BRAF: variants seen among roughly 807,000 people sequenced by gnomAD.
BRAF encodes the protein serine/threonine-protein kinase B-raf.
In BRAF, 16 loss-of-function variants were observed where a neutral mutation model predicts 104.6. The ratio of observed to expected loss-of-function variants is 0.15; its 90% CI spans 0.10 to 0.23. The LOEUF (loss-of-function observed/expected upper bound fraction) is 0.23, where lower values mean the gene tolerates loss of function less well. BRAF is among the 10% of genes least tolerant of loss of function. The pLI is 1.00. For synonymous variants in BRAF, 310 were observed against 341.6 expected (o/e 0.91, Z 1.02); for missense variants, 541 against 937.3 (o/e 0.58, Z 5.52).
chr7:140,908,989 CTT>C (rs1224922004), intron 1 of BRAF, among the ~76,000 whole-genome samples: 1,581 of 120,182 alleles, frequency 0.013, 35 homozygotes, highest in Middle Eastern at 0.042. Flanking sequence ...TCTACGTTTT[CTT>C]TTTTTTTTTT....
chr7:140,793,458 A>G (rs1010353543), intron 8 of BRAF, among the ~76,000 whole-genome samples: 3 of 152,134 alleles, frequency 2.0e-5, no homozygotes, highest in African/African-American at 7.2e-5. Flanking sequence ...GTGGGAAGAA[A>G]GTCTGATTTG....
chr7:140,880,219 A>C (rs1029344265), intron 1 of BRAF, among the ~76,000 whole-genome samples: 3 of 152,150 alleles, frequency 2.0e-5, no homozygotes, highest in Non-Finnish European at 2.9e-5. Flanking sequence ...TAAAATTCTA[A>C]ATCTTTTGCT....
chr7:140,810,975 C>T (rs1804197641), intron 3 of BRAF, among the ~76,000 whole-genome samples: 1 of 152,164 alleles, frequency 6.6e-6, no homozygotes, highest in Non-Finnish European at 1.5e-5. Context: ...AATCCCTAAG[C>T]ATAGTGCTCA....
intron 14 of BRAF, among the ~76,000 whole-genome samples, chr7:140,756,031 C>A (rs1465054217): frequency 6.6e-6 from 1 of 151,958 alleles, no homozygotes; most frequent in African/African-American, 2.4e-5. Context: ...ATCCTTTCAA[C>A]AAATTTGATG....
Position 140,847,589 on chromosome 7 carries a change from A to T in BRAF, c.240+2522T>A, listed in dbSNP as rs539434765. ...CAGCAAGATTCCATCTCAGGAGGAA[A>T]AAAAAAAAGACAGACAATTGCTATT... On this transcript the variant is annotated intron_variant, in intron 2 of 19. Coordinates refer to ENST00000644969, the MANE Select transcript of BRAF (RefSeq NM_001374258.1). Among the ~76,000 whole-genome samples, 15 of 152,190 alleles carry T rather than the reference A, an allele frequency of 9.9e-5. No individual in the cohort carries two copies. The East Asian group carries it at 2.9e-3, about 29-fold the overall frequency.
intron 1 of BRAF, among the ~76,000 whole-genome samples, chr7:140,853,129 C>A (rs899520185): frequency 6.6e-6 from 1 of 151,906 alleles, no homozygotes; most frequent in Non-Finnish European, 1.5e-5. Context: ...TAACTGCAGG[C>A]CATGCATGGT....
chr7:140,897,245 T>A (rs142285902), intron 1 of BRAF, among the ~76,000 whole-genome samples: 667 of 152,150 alleles, frequency 4.4e-3, no homozygotes, highest in South Asian at 7.5e-3. Context: ...ACAAACAGGT[T>A]AAGAAGTAGC....
At chr7:140,815,431 C>A (rs1804770008) in intron 3 of BRAF, among the ~76,000 whole-genome samples, 1 of 131,394 alleles carries the variant, frequency 7.6e-6, no homozygotes, top group South Asian at 2.3e-4. Flanking sequence ...AGGTGTGAGC[C>A]ATTTTTTTTT....
chr7:140,795,653 C>G (rs1802420837), intron 7 of BRAF, among the ~76,000 whole-genome samples: 1 of 152,100 alleles, frequency 6.6e-6, no homozygotes, highest in South Asian at 2.1e-4. Flanking sequence ...CTGAACCACA[C>G]CAGTTCACAA....
intron 3 of BRAF, among the ~76,000 whole-genome samples, chr7:140,814,675 T>C (rs905305684): frequency 6.8e-6 from 1 of 147,682 alleles, no homozygotes; most frequent in Non-Finnish European, 1.5e-5. Context: ...AAAAAATATA[T>C]ATATATAAAA....
At position 140,924,756 on chromosome 7, in the gene BRAF, A is replaced by G; in HGVS notation, c.-53T>C. Reference sequence around the variant, plus strand: ...GGCCGCTGTCGGGCGGGGAGGGGGAAGGGAGGCGGAGAGCTGGGGGAGGCG... The same window carrying G: ...GGCCGCTGTCGGGCGGGGAGGGGGAGGGGAGGCGGAGAGCTGGGGGAGGCG... On this transcript the variant is annotated 5_prime_UTR_variant, in exon 1 of 20. Transcript: ENST00000644969. The surrounding 1 kb of genome is among the most constrained non-coding windows in gnomAD (Gnocchi z 4.2). 1.5e-6 allele frequency: 1 copy of G among 665,784 alleles called. No homozygotes were observed. Among genetic ancestry groups the G allele is most frequent in the Non-Finnish European group, 2.6e-6 (1 of 388,032 alleles). The allele number at this position is 665,784 out of a possible 1,614,324, so 41.2% of individuals were successfully genotyped here.
intron 1 of BRAF, among the ~76,000 whole-genome samples, chr7:140,865,508 G>A (rs1274604524): frequency 6.6e-6 from 1 of 152,156 alleles, no homozygotes; most frequent in East Asian, 1.9e-4. Context: ...GCAGGTAGCG[G>A]GCATTTTGTC....
At chr7:140,741,494 T>A (rs140953276) in intron 17 of BRAF, 1 of 152,230 alleles carries the variant, frequency 6.6e-6, no homozygotes, top group Non-Finnish European at 1.5e-5. Context: ...TACCTTTCTT[T>A]ACACACCTAG....
At chr7:140,836,595 T>C (rs1382161029) in intron 2 of BRAF, among the ~76,000 whole-genome samples, 1 of 152,226 alleles carries the variant, frequency 6.6e-6, no homozygotes, top group Non-Finnish European at 1.5e-5. Flanking sequence ...CCCTGTTTCA[T>C]AGTAGATGAG....
chr7:140,721,019 A>T lies in BRAF; in HGVS notation c.*5475T>A. On this transcript the variant is annotated 3_prime_UTR_variant, in exon 20 of 20. Transcript: ENST00000644969. Reference sequence around the variant, plus strand: ...GTTTGTACAAACATTTTTTGATACTACCATGAATAAACATATTTTAGTTGT... The same window carrying T: ...GTTTGTACAAACATTTTTTGATACTTCCATGAATAAACATATTTTAGTTGT... 1 of 1,063,932 alleles carries T rather than the reference A, an allele frequency of 9.4e-7. No homozygotes were observed. Among genetic ancestry groups the T allele is most frequent in the Non-Finnish European group, 1.1e-6 (1 of 878,484 alleles). The allele number at this position is 1,063,932 out of a possible 1,614,324, so 65.9% of individuals were successfully genotyped here.
At chr7:140,741,945 C>T (rs1377080525) in intron 17 of BRAF, among the ~76,000 whole-genome samples, 10 of 150,964 alleles carry the variant, frequency 6.6e-5, no homozygotes, top group East Asian at 3.9e-4. Context: ...GCCAACAGAG[C>T]GAGACTGTCT....
At chr7:140,876,490 T>A (rs1327388355) in intron 1 of BRAF, among the ~76,000 whole-genome samples, 2 of 152,196 alleles carry the variant, frequency 1.3e-5, no homozygotes, top group Admixed American at 6.5e-5. Context: ...ACATTAAATG[T>A]GAATAGTCTA....
At chr7:140,834,144 G>C (rs190895178) in intron 3 of BRAF, 1 of 190,450 alleles carries the variant, frequency 5.3e-6, no homozygotes, top group African/African-American at 2.4e-5. Context: ...GTTACTTACA[G>C]GGTACGCTGT....
intron 1 of BRAF, among the ~76,000 whole-genome samples, chr7:140,896,843 G>A: frequency 8.5e-6 from 1 of 117,450 alleles, no homozygotes; most frequent in Admixed American, 1.1e-4. Flanking sequence ...CAGCCTGGGT[G>A]ACAGAGCGAG....
Sources: gnomAD v4.1 joint callset for allele counts (sites outside exome capture counted in the v4.1 genomes callset) on GRCh38, gnomAD v4.1.1 for gene constraint, Gnocchi (gnomAD v3.1) non-coding constraint, MANE v1.5 for transcripts, NCBI Gene and HGNC (gene_info 2026-07-23, HGNC 2026-07-21) for gene names.